The following CCDC85A variants were observed in gnomAD, a reference collection of about 807,000 sequenced individuals.
CCDC85A encodes the protein coiled-coil domain containing 85A.
In CCDC85A, 38 loss-of-function variants were observed where a neutral mutation model predicts 50.2. The ratio of observed to expected loss-of-function variants is 0.76; its 90% CI spans 0.58 to 0.99. The LOEUF (loss-of-function observed/expected upper bound fraction) is 0.99. Among genes scored for constraint, CCDC85A ranks in the 50% least tolerant of loss-of-function variants. CCDC85A has a pLI of 0.00. For missense variants in CCDC85A, 820 were observed against 742.0 expected (o/e 1.11, Z -1.22); for synonymous variants, 366 against 301.4 (o/e 1.21, Z -2.22).
At chr2:56,253,600 G>C (rs1434706281) in intron 2 of CCDC85A, among the ~76,000 whole-genome samples, 2 of 152,120 alleles carry the variant, frequency 1.3e-5, no homozygotes, top group Non-Finnish European at 2.9e-5. Flanking sequence ...TAGGGGTCAG[G>C]GTGAATAAGA....
intron 2 of CCDC85A, among the ~76,000 whole-genome samples, chr2:56,239,011 T>G (rs924150186): frequency 4.9e-4 from 75 of 152,158 alleles, no homozygotes; most frequent in African/African-American, 1.8e-3. Flanking sequence ...AGGATTGTTA[T>G]AATTAAGAAT....
At chr2:56,239,253 A>G (rs17190156) in intron 2 of CCDC85A, among the ~76,000 whole-genome samples, 3,071 of 152,166 alleles carry the variant, frequency 0.02, 51 homozygotes, top group South Asian at 0.047. Flanking sequence ...TAAATGTCCT[A>G]TGCTCAAGGT....
chr2:56,243,658 A>G (rs764802069), intron 2 of CCDC85A, among the ~76,000 whole-genome samples: 4 of 152,108 alleles, frequency 2.6e-5, no homozygotes. Flanking sequence ...TAGTTTGTTC[A>G]GTGAGGTCAT....
chr2:56,351,333 G>A (rs1459799506), intron 3 of CCDC85A, among the ~76,000 whole-genome samples: 1 of 151,144 alleles, frequency 6.6e-6, no homozygotes, highest in Non-Finnish European at 1.5e-5. Context: ...TGTCTTTATA[G>A]CAGCATGATT....
intron 3 of CCDC85A, among the ~76,000 whole-genome samples, chr2:56,353,444 C>G (rs376604629): frequency 6.6e-6 from 1 of 152,212 alleles, no homozygotes; most frequent in South Asian, 2.1e-4. Context: ...GAGCTAACTC[C>G]TTCATTTCTA....
intron 2 of CCDC85A, among the ~76,000 whole-genome samples, chr2:56,319,524 C>G (rs780995037): frequency 1.2e-4 from 19 of 152,034 alleles, no homozygotes; most frequent in African/African-American, 4.6e-4. Context: ...ATAAATGTTT[C>G]GCACTCTTTT....
At chr2:56,347,513 A>G (rs1264490649) in intron 3 of CCDC85A, among the ~76,000 whole-genome samples, 1 of 152,194 alleles carries the variant, frequency 6.6e-6, no homozygotes, top group East Asian at 1.9e-4. Flanking sequence ...TTTAAAATAA[A>G]TGTTCAGTTT....
At chr2:56,311,930 C>G (rs1280485251) in intron 2 of CCDC85A, among the ~76,000 whole-genome samples, 2 of 152,028 alleles carry the variant, frequency 1.3e-5, no homozygotes, top group Admixed American at 6.6e-5. Flanking sequence ...TTAACAAGAT[C>G]CACAGGTGAT....
At chr2:56,197,036 G>A (rs1377288899) in intron 2 of CCDC85A, among the ~76,000 whole-genome samples, 1 of 152,176 alleles carries the variant, frequency 6.6e-6, no homozygotes, top group African/African-American at 2.4e-5. Flanking sequence ...TCATTCACCT[G>A]CATTAAACAA....
intron 2 of CCDC85A, among the ~76,000 whole-genome samples, chr2:56,276,160 A>AT (rs879262280): frequency 5.5e-4 from 84 of 152,140 alleles, no homozygotes; most frequent in Admixed American, 2.4e-3. Flanking sequence ...AAACTCATTA[A>AT]TTTTTTTCTT....
chr2:56,187,275 A>G (rs1211493978), intron 1 of CCDC85A, among the ~76,000 whole-genome samples: 1 of 152,212 alleles, frequency 6.6e-6, no homozygotes, highest in Non-Finnish European at 1.5e-5. Context: ...AATTAAGACC[A>G]TAATACATTT....
chr2:56,363,301 CA>C, intron 3 of CCDC85A, among the ~76,000 whole-genome samples: 1 of 152,120 alleles, frequency 6.6e-6, no homozygotes, highest in Non-Finnish European at 1.5e-5. Context: ...ACCAATTATG[CA>C]AAGGCTACAC....
In CCDC85A at chr2:56,351,563, A is replaced by G. The variant is rs557458272; in HGVS notation, c.1317+8608A>G. ...GCCATTCTAACTGGTGTGAGATGGT[A>G]TCTCATTGTGGTTTTGATTTGCATT... On this transcript the variant is annotated intron_variant, in intron 3 of 5. Coordinates refer to ENST00000407595, the MANE Select transcript of CCDC85A (RefSeq NM_001080433.2). Among the ~76,000 whole-genome samples, 313 of 141,466 alleles carry G rather than the reference A, an allele frequency of 2.2e-3. 8 individuals carry two copies. Among genetic ancestry groups the G allele is most frequent in the Middle Eastern group, 3.6e-3 (1 of 278 alleles). The allele number at this position is 141,466 out of a possible 152,430, so 92.8% of individuals were successfully genotyped here.
At chr2:56,267,203 A>AC (rs1024531927) in intron 2 of CCDC85A, among the ~76,000 whole-genome samples, 73 of 151,464 alleles carry the variant, frequency 4.8e-4, no homozygotes, top group Non-Finnish European at 8.4e-4. Flanking sequence ...CTCCTCTTCC[A>AC]CCCCCCAGAC....
chr2:56,228,259 A>G lies in CCDC85A; in HGVS notation c.1240+34819A>G, dbSNP rs567340252. On this transcript the variant is annotated intron_variant, in intron 2 of 5. Coordinates refer to ENST00000407595, the MANE Select transcript of CCDC85A (RefSeq NM_001080433.2). ...ACGAGTTGATGGGTGCAGCACACCA[A>G]CATGGCACATGTATACATATGTAAC... Among the ~76,000 whole-genome samples, 9 of 152,162 alleles carry G rather than the reference A, an allele frequency of 5.9e-5. No homozygotes were observed. The East Asian group carries it at 1.6e-3, about 26-fold the overall frequency.
intron 2 of CCDC85A, among the ~76,000 whole-genome samples, chr2:56,230,957 C>T (rs1453411198): frequency 6.6e-6 from 1 of 152,120 alleles, no homozygotes; most frequent in African/African-American, 2.4e-5. Context: ...CTTAAATGAG[C>T]TGCAAAGTAT....
In CCDC85A at chr2:56,372,191, T is replaced by C. The variant is rs1042913580; in HGVS notation, c.1318-153T>C. ...TATGTAGGACTTCAGATTGTTTTTA[T>C]TTTTATTTTTTCCCTAGCTACAGGT... On this transcript the variant is annotated intron_variant, in intron 3 of 5. Coordinates refer to ENST00000407595, the MANE Select transcript of CCDC85A (RefSeq NM_001080433.2). Among the ~76,000 whole-genome samples the C allele has an allele frequency of 3.3e-5, 5 of 152,334 alleles. No individual in the cohort carries two copies. The East Asian group carries it at 9.7e-4, about 29-fold the overall frequency.
intron 2 of CCDC85A, among the ~76,000 whole-genome samples, chr2:56,284,427 C>T (rs1671338986): frequency 6.6e-6 from 1 of 152,140 alleles, no homozygotes; most frequent in Non-Finnish European, 1.5e-5. Context: ...GGTTGGAGTG[C>T]AGTGGCGTGA....
intron 2 of CCDC85A, among the ~76,000 whole-genome samples, chr2:56,284,729 C>A (rs1477849527): frequency 6.6e-6 from 1 of 152,078 alleles, no homozygotes; most frequent in Non-Finnish European, 1.5e-5. Context: ...TGTCTCTCTG[C>A]CTTTAGTTCT....
Sources: allele counts gnomAD v4.1 joint callset (sites outside exome capture counted in the v4.1 genomes callset), GRCh38; gene constraint gnomAD v4.1.1; transcripts MANE v1.5; gene names NCBI Gene and HGNC (gene_info 2026-07-23, HGNC 2026-07-21).